EBF1: variants seen among roughly 807,000 people sequenced by gnomAD.
EBF1 encodes EBF transcription factor 1.
EBF1 carries 10 observed loss-of-function variants against 68.4 expected under a neutral mutation model. The observed-to-expected ratio is 0.15, with a 90% CI of 0.09 to 0.25. The LOEUF (loss-of-function observed/expected upper bound fraction) is 0.25. Ranked by LOEUF, EBF1 falls within the 10% of genes least tolerant of loss-of-function variation. The probability of loss-of-function intolerance (pLI) is 1.00; values close to 1 mark genes in which losing one functional copy is unlikely to be tolerated. For synonymous variants in EBF1, 298 were observed against 299.8 expected (o/e 0.99, Z 0.06); for missense variants, 509 against 794.4 (o/e 0.64, Z 4.32).
At chr5:158,905,542 G>A (rs576563736) in intron 6 of EBF1, among the ~76,000 whole-genome samples, 32 of 152,216 alleles carry the variant, frequency 2.1e-4, no homozygotes, top group South Asian at 1.2e-3. Context: ...AAATCTTGGC[G>A]TGTGTCATAT....
At chr5:159,088,147 T>C (rs1313649310) in intron 4 of EBF1, among the ~76,000 whole-genome samples, 1 of 152,146 alleles carries the variant, frequency 6.6e-6, no homozygotes, top group Non-Finnish European at 1.5e-5. Flanking sequence ...AAGCAGTTTT[T>C]GTTACTGAAA....
intron 9 of EBF1, among the ~76,000 whole-genome samples, 189 bp downstream of exon 9, chr5:158,796,156 T>C (rs942971975): frequency 1.3e-5 from 2 of 152,156 alleles, no homozygotes; most frequent in Non-Finnish European, 2.9e-5. Context: ...AAGGAAGTCA[T>C]TCCAGTAGTA....
rs972313509 is a variant in EBF1 at position 158,965,541 on chromosome 5, G to T, written c.554+107855C>A. Among the ~76,000 whole-genome samples the T allele has an allele frequency of 2.0e-5, 3 of 152,262 alleles. No homozygotes were observed. In the South Asian group the frequency reaches 6.2e-4, roughly 32 times the overall value. ...AAAATCCATACAGTTAAATCACGGT[G>T]ATTCACTTATGCAAATTCTGCATTT... is the stretch of plus-strand genomic sequence containing the variant. On this transcript the variant is annotated intron_variant, in intron 6 of 15. Coordinates refer to ENST00000313708, the MANE Select transcript of EBF1 (RefSeq NM_024007.5).
At chr5:158,750,451 T>C (rs999836974) in intron 10 of EBF1, among the ~76,000 whole-genome samples, 6 of 152,228 alleles carry the variant, frequency 3.9e-5, no homozygotes, top group Middle Eastern at 3.4e-3. Context: ...GCAGATAATA[T>C]ACATTTAGTA....
intron 6 of EBF1, among the ~76,000 whole-genome samples, chr5:159,015,426 G>C (rs955977617): frequency 3.3e-5 from 5 of 152,212 alleles, no homozygotes; most frequent in Non-Finnish European, 7.3e-5. Context: ...GGAAGCTGCA[G>C]GAACTCAGCT....
intron 6 of EBF1, among the ~76,000 whole-genome samples, chr5:158,905,876 T>C (rs1470085550): frequency 1.3e-5 from 2 of 152,036 alleles, no homozygotes; most frequent in Non-Finnish European, 2.9e-5. Context: ...CCCCACTTAG[T>C]GGGTAGCAGG....
At chr5:158,984,711 G>C (rs1184226437) in intron 6 of EBF1, 2 of 136,402 alleles carry the variant, frequency 1.5e-5, no homozygotes. Context: ...TTTTGAGATG[G>C]AGTCTCACTC....
intron 6 of EBF1, among the ~76,000 whole-genome samples, chr5:159,054,052 A>C (rs1437361746): frequency 6.6e-6 from 1 of 152,240 alleles, no homozygotes; most frequent in East Asian, 1.9e-4. Flanking sequence ...CCTAGAACCA[A>C]GGTCATTATT....
intron 11 of EBF1, among the ~76,000 whole-genome samples, chr5:158,717,572 G>T (rs1038203031): frequency 3.3e-5 from 5 of 151,574 alleles, no homozygotes; most frequent in Non-Finnish European, 7.4e-5. Context: ...CTCCCTGCTT[G>T]CAATTTCAAA....
chr5:158,815,158 T>C (rs1368162554), intron 8 of EBF1, among the ~76,000 whole-genome samples: 1 of 152,214 alleles, frequency 6.6e-6, no homozygotes, highest in East Asian at 1.9e-4. Context: ...TACTACTTAA[T>C]TGCTGTGTGA....
chr5:158,913,464 G>C (rs1806451944), intron 6 of EBF1, among the ~76,000 whole-genome samples: 1 of 152,180 alleles, frequency 6.6e-6, no homozygotes, highest in African/African-American at 2.4e-5. Context: ...TTCAGAAATA[G>C]CCTTTGGTGG....
At chr5:158,865,031 G>C (rs1475215282) in intron 6 of EBF1, among the ~76,000 whole-genome samples, 1 of 152,120 alleles carries the variant, frequency 6.6e-6, no homozygotes, top group Non-Finnish European at 1.5e-5. Flanking sequence ...TTGAGCTCGG[G>C]TTCAGATAGC....
chr5:158,889,205 A>C (rs1169332984), intron 6 of EBF1, among the ~76,000 whole-genome samples: 1 of 152,204 alleles, frequency 6.6e-6, no homozygotes, highest in African/African-American at 2.4e-5. Flanking sequence ...TATGGTAAGC[A>C]TTCAACAAGT....
chr5:158,714,030 T>G, intron 12 of EBF1, 87 bp downstream of exon 12: 1 of 1,393,412 alleles, frequency 7.2e-7, no homozygotes, highest in Non-Finnish European at 1.0e-6. Context: ...GCTTTTATAT[T>G]GTTTGTGCTT....
chr5:158,991,152 A>T (rs1325596366), intron 6 of EBF1, among the ~76,000 whole-genome samples: 2 of 152,262 alleles, frequency 1.3e-5, no homozygotes, highest in African/African-American at 4.8e-5. Flanking sequence ...AATAGAGTTA[A>T]TAATCCCTAC....
chr5:159,060,559 G>A (rs545122536), intron 6 of EBF1, among the ~76,000 whole-genome samples: 29 of 152,102 alleles, frequency 1.9e-4, no homozygotes, highest in African/African-American at 3.1e-4. Context: ...GTGGTTTTAC[G>A]TGTCTTTTAT....
intron 6 of EBF1, among the ~76,000 whole-genome samples, chr5:158,976,924 A>C (rs1268883570): frequency 6.6e-6 from 1 of 152,204 alleles, no homozygotes. Flanking sequence ...TAGGGTGGAA[A>C]GTTACAGCAG....
At chr5:158,810,202 A>G (rs984421836) in intron 8 of EBF1, among the ~76,000 whole-genome samples, 23 of 152,200 alleles carry the variant, frequency 1.5e-4, no homozygotes, top group African/African-American at 4.3e-4. Flanking sequence ...AAATGATCCA[A>G]TACATTGGAA....
At position 159,099,392 on chromosome 5, in the gene EBF1, C is replaced by T. The variant is rs754833014; in HGVS notation, c.87G>A (p.Thr29=). The change falls in exon 1 of 16, where the codon ACG becomes ACA. Residue 29 remains threonine, a synonymous_variant. Transcript: ENST00000313708. ...CCAGCACCCCGGCGCCCTGCATCCA[C>T]GTCCGCACCGCGTTCATGCCGCTGC... The part of the protein sequence containing the change: ...PLGSGMNAVR[T]WMQGAGVLDA... 4 of 1,601,612 alleles carry T rather than the reference C, an allele frequency of 2.5e-6. No individual in the cohort carries two copies. Among genetic ancestry groups the T allele is most frequent in the East Asian group, 4.7e-5 (2 of 42,900 alleles).
Sources: gnomAD v4.1 joint callset for allele counts (sites outside exome capture counted in the v4.1 genomes callset) on GRCh38, gnomAD v4.1.1 for gene constraint, MANE v1.5 for transcripts, NCBI Gene and HGNC (gene_info 2026-07-23, HGNC 2026-07-21) for gene names.